Variants in SHROOM3 observed in about 807,000 individuals in gnomAD.
The protein encoded by SHROOM3 is shroom family member 3.
In SHROOM3, 47 loss-of-function variants were observed where a neutral mutation model predicts 138.6. That is an observed-to-expected ratio of 0.34 (90% CI 0.27 to 0.43). The LOEUF (loss-of-function observed/expected upper bound fraction) is 0.43, where lower values mean the gene tolerates loss of function less well. SHROOM3 is among the 20% of genes least tolerant of loss of function. The probability of loss-of-function intolerance (pLI) is 1.00; values close to 1 mark genes in which losing one functional copy is unlikely to be tolerated. For synonymous variants in SHROOM3, 1,062 were observed against 1,063.3 expected (o/e 1.00, Z 0.02); for missense variants, 2,491 against 2,596.5 (o/e 0.96, Z 0.88).
At position 76,697,912 on chromosome 4, in the gene SHROOM3, C is replaced by T. The variant is rs373640644; in HGVS notation, c.324-12244C>T. Among the ~76,000 whole-genome samples the T allele has an allele frequency of 3.3e-5, 5 of 152,202 alleles. No individual in the cohort carries two copies. The South Asian group carries it at 1.0e-3, about 32-fold the overall frequency. ...AGGATGAGGAAAAAAAGAATTCAAG[C>T]ATTTATGACACTACCCTATAGTAAC... On this transcript the variant is annotated intron_variant, in intron 2 of 10. Transcript: ENST00000296043.
intron 2 of SHROOM3, among the ~76,000 whole-genome samples, chr4:76,615,657 T>A (rs1226874750): frequency 6.6e-6 from 1 of 151,918 alleles, no homozygotes; most frequent in Admixed American, 6.6e-5. Context: ...TGCATAATAC[T>A]TGATCTAGGA....
chr4:76,540,725 A>G (rs1733080336), intron 1 of SHROOM3, among the ~76,000 whole-genome samples: 1 of 152,124 alleles, frequency 6.6e-6, no homozygotes, highest in Non-Finnish European at 1.5e-5. Flanking sequence ...GAGATTTGTT[A>G]TTTTTCTTCT....
intron 2 of SHROOM3, among the ~76,000 whole-genome samples, chr4:76,621,769 C>T (rs1402128549): frequency 2.6e-5 from 4 of 152,008 alleles, no homozygotes; most frequent in Non-Finnish European, 4.4e-5. Context: ...AGATACAGGT[C>T]CCAGTTGCCT....
chr4:76,612,577 A>G (rs991650014), intron 2 of SHROOM3, among the ~76,000 whole-genome samples: 2 of 152,196 alleles, frequency 1.3e-5, no homozygotes, highest in Non-Finnish European at 2.9e-5. Flanking sequence ...TAAACTTTCT[A>G]TACTGAAAAA....
Position 76,754,955 on chromosome 4 carries a change from A to G in SHROOM3, c.4472A>G (p.Glu1491Gly). Residue 1491 changes from glutamate (E) to glycine (G), a missense_variant, in exon 7 of 11, where the codon GAG becomes GGG. Physicochemically the swap from Glu to Gly is moderately conservative, Grantham distance 98 (BLOSUM62 -2). Around this residue, in one of 4 missense-constraint regions of SHROOM3, gnomAD observed 1,733 missense variants for 1,661.6 expected, o/e 1.04. Transcript: ENST00000296043. ...TPGRISLRIS[E>G]SVLRDSPPPH... ...GGGAGGATCTCCCTCCGAATATCTG[A>G]GTCTGTCCTGCGGGACTCCCCGCCA... is the stretch of plus-strand genomic sequence containing the variant. 6.2e-7 allele frequency: 1 copy of G among 1,614,134 alleles called. No individual in the cohort carries two copies. Among genetic ancestry groups the G allele is most frequent in the Non-Finnish European group, 8.5e-7 (1 of 1,180,010 alleles).
intron 2 of SHROOM3, among the ~76,000 whole-genome samples, chr4:76,631,733 CT>C (rs1735330288): frequency 6.6e-6 from 1 of 152,182 alleles, no homozygotes; most frequent in Admixed American, 6.5e-5. Context: ...CACGAGGCTA[CT>C]GGAGCATTTT....
chr4:76,586,157 C>T (rs989562117), intron 2 of SHROOM3: 7 of 743,682 alleles, frequency 9.4e-6, no homozygotes, highest in Non-Finnish European at 1.2e-5. Context: ...CGGGCCAGCT[C>T]CTGTCAGGCA....
chr4:76,546,528 A>G (rs2110023722), intron 1 of SHROOM3, among the ~76,000 whole-genome samples: 1 of 152,306 alleles, frequency 6.6e-6, no homozygotes, highest in East Asian at 1.9e-4. Flanking sequence ...ATTTGACTTT[A>G]TTTCATTGGC....
intron 1 of SHROOM3, among the ~76,000 whole-genome samples, chr4:76,515,890 T>A (rs1336678401): frequency 6.6e-6 from 1 of 152,194 alleles, no homozygotes; most frequent in Non-Finnish European, 1.5e-5. Context: ...ATAATTAATT[T>A]GAGATATTAG....
At chr4:76,745,599 GA>G (rs1302756352) in intron 5 of SHROOM3, among the ~76,000 whole-genome samples, 1 of 152,196 alleles carries the variant, frequency 6.6e-6, no homozygotes, top group East Asian at 1.9e-4. Context: ...AAATAGAATT[GA>G]CTTTCCACAA....
intron 1 of SHROOM3, among the ~76,000 whole-genome samples, chr4:76,541,586 C>T (rs930040492): frequency 9.9e-5 from 15 of 151,628 alleles, no homozygotes; most frequent in African/African-American, 3.4e-4. Flanking sequence ...AAAAGTCGCA[C>T]TGCACTTTCT....
At chr4:76,495,279 T>G (rs1160118633) in intron 1 of SHROOM3, among the ~76,000 whole-genome samples, 1 of 152,244 alleles carries the variant, frequency 6.6e-6, no homozygotes, top group East Asian at 1.9e-4. Flanking sequence ...TTGTATTGGC[T>G]GCTGAGGCTC....
At position 76,740,207 on chromosome 4, in the gene SHROOM3, G is replaced by A. The variant is rs1450824938; in HGVS notation, c.2034G>A (p.Leu678=). ...IPESLRRHSS[L]ELGRGTQEGY... ...AGAGTCTGAGAAGACACAGCAGCCTGGAGCTAGGCCGGGGAACCCAGGAGG... is the reference window on the plus strand; with the variant it reads ...AGAGTCTGAGAAGACACAGCAGCCTAGAGCTAGGCCGGGGAACCCAGGAGG... The change falls in exon 5 of 11, where the codon CTG becomes CTA. Residue 678 remains leucine, a synonymous_variant. Coordinates refer to ENST00000296043, the MANE Select transcript of SHROOM3 (RefSeq NM_020859.4). This position sits in a 1 kb window ranked among gnomAD's most constrained non-coding sequence, Gnocchi z 4.0. 1 of 1,613,668 alleles carries A rather than the reference G, an allele frequency of 6.2e-7. No individual in the cohort carries two copies. Among genetic ancestry groups the A allele is most frequent in the Non-Finnish European group, 8.5e-7 (1 of 1,180,040 alleles).
chr4:76,559,246 C>T (rs1161634388), intron 2 of SHROOM3: 1 of 152,186 alleles, frequency 6.6e-6, no homozygotes, highest in Admixed American at 6.5e-5. Context: ...GGATTATCAA[C>T]ACGCCTCCAG....
chr4:76,762,208 G>A (rs755416371), intron 9 of SHROOM3, among the ~76,000 whole-genome samples: 4 of 152,134 alleles, frequency 2.6e-5, no homozygotes, highest in Non-Finnish European at 4.4e-5. Flanking sequence ...ATAGTTGTGG[G>A]GTCAAATTAA....
In SHROOM3 at chr4:76,454,622, T is replaced by C. The variant is rs186155046; in HGVS notation, c.168+18402T>C. Among the ~76,000 whole-genome samples the C allele has an allele frequency of 2.7e-4, 41 of 152,362 alleles. 1 individual carries two copies. The highest frequency in any genetic ancestry group is 2.4e-3 in the Admixed American group (36 of 15,306). ...TGTGAAACCTACACATTTGTCTTCT[T>C]AAAGTGTTTTTTTCTTAGTACTTGG... On this transcript the variant is annotated intron_variant, in intron 1 of 10. Coordinates refer to ENST00000296043, the MANE Select transcript of SHROOM3 (RefSeq NM_020859.4).
At position 76,672,060 on chromosome 4, in the gene SHROOM3, C is replaced by A. The variant is rs185481334; in HGVS notation, c.324-38096C>A. On this transcript the variant is annotated intron_variant, in intron 2 of 10. Coordinates refer to ENST00000296043, the MANE Select transcript of SHROOM3 (RefSeq NM_020859.4). The stretch of plus-strand genomic sequence containing the variant: ...TACTTATGTGATACCATAGCCCCCA[C>A]ATTTAAGGGAAAGAGTGTTTTTCAG... 1.1e-3 allele frequency among the ~76,000 whole-genome samples: 175 copies of A among 152,186 alleles called. 1 individual carries two copies. The highest frequency in any genetic ancestry group is 4.1e-3 in the African/African-American group (169 of 41,520).
intron 7 of SHROOM3, among the ~76,000 whole-genome samples, chr4:76,755,852 A>C (rs1338867549): frequency 6.6e-6 from 1 of 152,210 alleles, no homozygotes; most frequent in African/African-American, 2.4e-5. Flanking sequence ...AATGAGAAAG[A>C]AGCATTCCCC....
intron 1 of SHROOM3, among the ~76,000 whole-genome samples, chr4:76,484,640 G>T (rs118050344): frequency 6.6e-6 from 1 of 152,164 alleles, no homozygotes; most frequent in Non-Finnish European, 1.5e-5. Context: ...TTACAGTTTA[G>T]CGGAAGCAGC....
Sources: gnomAD v4.1 joint callset for allele counts (sites outside exome capture counted in the v4.1 genomes callset) on GRCh38, gnomAD v4.1.1 for gene constraint, gnomAD v4.1.1 regional missense constraint, Gnocchi (gnomAD v3.1) non-coding constraint, MANE v1.5 for transcripts, NCBI Gene and HGNC (gene_info 2026-07-23, HGNC 2026-07-21) for gene names.